Variants in SLC26A3 observed in about 807,000 individuals in gnomAD.
SLC26A3 encodes chloride anion exchanger.
SLC26A3 carries 64 observed loss-of-function variants against 85.6 expected under a neutral mutation model. That is an observed-to-expected ratio of 0.75 (90% CI 0.61 to 0.92). The LOEUF is 0.92. Ranked by LOEUF, SLC26A3 falls within the 40% of genes least tolerant of loss-of-function variation. SLC26A3 has a pLI of 0.00. For synonymous variants in SLC26A3, 349 were observed against 336.0 expected (o/e 1.04, Z -0.42); for missense variants, 922 against 927.3 (o/e 0.99, Z 0.07).
intron 18 of SLC26A3, among the ~76,000 whole-genome samples, chr7:107,770,049 T>TCTTTCTTTCTTTCTTA: frequency 6.9e-6 from 1 of 144,780 alleles, no homozygotes; most frequent in Non-Finnish European, 1.5e-5. Flanking sequence ...TTTCTTTCTT[T>TCTTTCTTTCTTTCTTA]CTCTTTTCTT....
At chr7:107,781,126 T>C (rs1794208983) in intron 11 of SLC26A3, among the ~76,000 whole-genome samples, 3 of 152,182 alleles carry the variant, frequency 2.0e-5, no homozygotes. Flanking sequence ...AGATTACTTT[T>C]AAAGTAAAGA....
Position 107,778,111 on chromosome 7 carries a change from T to G in SLC26A3, c.1514+64A>C, listed in dbSNP as rs1007579231. 2.7e-6 allele frequency: 3 copies of G among 1,097,468 alleles called. No individual in the cohort carries two copies. The African/African-American group carries it at 4.6e-5, about 17-fold the overall frequency. 68.0% of individuals were successfully genotyped at this position (1,097,468 alleles called of 1,614,324 possible). A position where few individuals can be genotyped will look rare whatever the true frequency, so the allele number is the denominator to read the frequency against. ...ACTGTTCTTTTAGCCAGTGACATTT[T>G]TTTTCCTCTTCTGATTTGGGCAGGT... is the stretch of plus-strand genomic sequence containing the variant. On this transcript the variant is annotated intron_variant, in intron 13 of 20. Coordinates refer to ENST00000340010, the MANE Select transcript of SLC26A3 (RefSeq NM_000111.3).
At chr7:107,784,679 G>C (rs753993412) in intron 8 of SLC26A3, among the ~76,000 whole-genome samples, 2 of 152,142 alleles carry the variant, frequency 1.3e-5, no homozygotes, top group Non-Finnish European at 2.9e-5. Context: ...TGATTCACCC[G>C]CCTCGACCTC....
chr7:107,786,876 C>G lies in SLC26A3; in HGVS notation c.922G>C (p.Asp308His). ...VIAAGVSYGC[D>H]FKNRFKVAVV... is the part of the protein sequence containing the mutation. ...GCCACTTTAAACCTGTTTTTAAAGT[C>G]ACAGCCGTAGGATACACCTGCTGCA... Residue 308 changes from aspartate (D) to histidine (H), a missense_variant, in exon 8 of 21, where the codon GAC becomes CAC. Asp to His is a moderately conservative substitution (Grantham distance 81). Transcript: ENST00000340010. 1 of 1,614,082 alleles carries G rather than the reference C, an allele frequency of 6.2e-7. No homozygotes were observed.
chr7:107,792,400 T>C (rs1794417763), intron 3 of SLC26A3, among the ~76,000 whole-genome samples: 1 of 151,990 alleles, frequency 6.6e-6, no homozygotes, highest in South Asian at 2.1e-4. Context: ...TTCCTGCAAC[T>C]AGATGGTTCC....
At chr7:107,797,705 T>G (rs1794532418) in intron 1 of SLC26A3, among the ~76,000 whole-genome samples, 2 of 150,378 alleles carry the variant, frequency 1.3e-5, no homozygotes, top group South Asian at 4.2e-4. Context: ...AATGACATTC[T>G]CCATGTCATC....
rs142021844 is a variant in SLC26A3 at position 107,767,929 on chromosome 7, A to C, written c.2063-21T>G. On this transcript the variant is annotated intron_variant, in intron 18 of 20. Coordinates refer to ENST00000340010, the MANE Select transcript of SLC26A3 (RefSeq NM_000111.3). Reference sequence around the variant, plus strand: ...GTCATCTGAAGAGAAAAAAACAGTAACTTTTAGGAAGAAACAATTGTTTGG... The same window carrying C: ...GTCATCTGAAGAGAAAAAAACAGTACCTTTTAGGAAGAAACAATTGTTTGG... 1,444 of 1,611,620 alleles carry C rather than the reference A, an allele frequency of 9.0e-4. 21 individuals carry two copies. The African/African-American group carries it at 0.017, about 19-fold the overall frequency.
intron 1 of SLC26A3, among the ~76,000 whole-genome samples, chr7:107,799,636 C>T (rs546821861): frequency 6.6e-6 from 1 of 152,318 alleles, no homozygotes; most frequent in Non-Finnish European, 1.5e-5. Context: ...AAGTGGTCTG[C>T]CTGCCTTGGC....
chr7:107,800,804 G>T (rs1374897950), intron 1 of SLC26A3, among the ~76,000 whole-genome samples: 1 of 152,242 alleles, frequency 6.6e-6, no homozygotes, highest in Admixed American at 6.5e-5. Flanking sequence ...AATGTGGGTT[G>T]GAGTTAGGAA....
chr7:107,773,770 C>T (rs978297478), intron 17 of SLC26A3, 150 bp downstream of exon 17: 8 of 673,532 alleles, frequency 1.2e-5, no homozygotes, highest in African/African-American at 5.4e-5. Context: ...AGGCTGGTCT[C>T]GAAGTCCTGA....
At position 107,793,739 on chromosome 7, in the gene SLC26A3, T is replaced by C; in HGVS notation, c.271+3A>G. 1 of 1,611,680 alleles carries C rather than the reference T, an allele frequency of 6.2e-7. No homozygotes were observed. The highest frequency in any genetic ancestry group is 8.5e-7 in the Non-Finnish European group (1 of 1,178,608). On this transcript the variant is annotated splice_donor_region_variant and intron_variant, in intron 3 of 20. Transcript: ENST00000340010. Reference sequence around the variant, plus strand: ...TATAAATTATACTTAAAAAAAATTTTACCTTGTAGTACGGCCACAATCCCT... The same window carrying C: ...TATAAATTATACTTAAAAAAAATTTCACCTTGTAGTACGGCCACAATCCCT...
chr7:107,769,199 C>G (rs1260765713), intron 18 of SLC26A3, among the ~76,000 whole-genome samples: 1 of 152,032 alleles, frequency 6.6e-6, no homozygotes, highest in Admixed American at 6.6e-5. Flanking sequence ...GACAAAAATA[C>G]CATTTGACCC....
chr7:107,765,860 A>G lies in SLC26A3; in HGVS notation c.2290T>C (p.Phe764Leu). Reference protein sequence around the residue: ...RVYEVPVETKF With the variant: ...RVYEVPVETKL ...CCTTCTGAATTATATGTTGATTAGA[A>G]TTTTGTTTCAACTGGCACCTGGAAG... The change falls in exon 21 of 21, where the codon TTC (phenylalanine) becomes CTC (leucine). Residue 764 changes from phenylalanine to leucine, a missense_variant. Phe to Leu is a conservative substitution (Grantham distance 22). Transcript: ENST00000340010. 6.2e-7 allele frequency: 1 copy of G among 1,610,826 alleles called. No homozygotes were observed. Among genetic ancestry groups the G allele is most frequent in the South Asian group, 1.1e-5 (1 of 90,990 alleles).
rs386833449 is a variant in SLC26A3 at position 107,779,764 on chromosome 7, C to T, written c.1312-1G>A. On this transcript the variant is annotated splice_acceptor_variant, in intron 11 of 20. Coordinates refer to ENST00000340010, the MANE Select transcript of SLC26A3 (RefSeq NM_000111.3). LOFTEE classifies it high-confidence loss of function. ...CCAATGCTAAAGCTGCCAGGACGGA[C>T]TGTGAAAAACACAAACATCAGATGT... 1 of 1,612,424 alleles carries T rather than the reference C, an allele frequency of 6.2e-7. No homozygotes were observed. The highest frequency in any genetic ancestry group is 8.5e-7 in the Non-Finnish European group (1 of 1,178,564).
chr7:107,783,386 C>T lies in SLC26A3; in HGVS notation c.972-34G>A, dbSNP rs775015468. On this transcript the variant is annotated intron_variant, in intron 8 of 20. Coordinates refer to ENST00000340010, the MANE Select transcript of SLC26A3 (RefSeq NM_000111.3). Reference sequence around the variant, plus strand: ...GAAATTAAGCAAGTCTGAATGTCACCAACCAATTTATAAACTGATATAACC... The same window carrying T: ...GAAATTAAGCAAGTCTGAATGTCACTAACCAATTTATAAACTGATATAACC... 54 of 1,612,438 alleles carry T rather than the reference C, an allele frequency of 3.3e-5. No individual in the cohort carries two copies. In the Admixed American group the frequency reaches 6.3e-4, roughly 19 times the overall value.
intron 11 of SLC26A3, among the ~76,000 whole-genome samples, chr7:107,781,314 T>C (rs1322114975): frequency 6.6e-6 from 1 of 152,174 alleles, no homozygotes; most frequent in African/African-American, 2.4e-5. Flanking sequence ...TTATTTTGCC[T>C]TCATATGATA....
chr7:107,779,739 C>G lies in SLC26A3; in HGVS notation c.1336G>C (p.Gly446Arg). The stretch of plus-strand genomic sequence containing the variant: ...TGCATCAGCATTCCCTTTAAGTTTC[C>G]CAATGCTAAAGCTGCCAGGACGGAC... Reference protein sequence around the residue: ...QKSVLAALALGNLKGMLMQFA... With the variant: ...QKSVLAALALRNLKGMLMQFA... Residue 446 changes from glycine to arginine, a missense_variant, in exon 12 of 21, where the codon GGA (glycine) becomes CGA (arginine). Transcript: ENST00000340010. 1.2e-6 allele frequency: 2 copies of G among 1,613,884 alleles called. No homozygotes were observed. The highest frequency in any genetic ancestry group is 1.7e-6 in the Non-Finnish European group (2 of 1,179,906).
chr7:107,791,201 T>G lies in SLC26A3; in HGVS notation c.417A>C (p.Leu139=). 3 of 1,614,240 alleles carry G rather than the reference T, an allele frequency of 1.9e-6. No homozygotes were observed. Among genetic ancestry groups the G allele is most frequent in the Non-Finnish European group, 1.7e-6 (2 of 1,180,046 alleles). Residue 139 remains leucine, a synonymous_variant, in exon 5 of 21, where the codon CTA becomes CTC. Transcript: ENST00000340010. ...PFPILSMMVG[L]AVSGAVSKAV... ...CTTTTGAAACTGCTCCTGAAACTGC[T>G]AGTCCCACCATCATACTCAGAATCG... is the stretch of plus-strand genomic sequence containing the variant.
intron 18 of SLC26A3, among the ~76,000 whole-genome samples, chr7:107,769,183 G>A (rs549830083): frequency 2.5e-4 from 38 of 152,086 alleles, no homozygotes; most frequent in Non-Finnish European, 4.9e-4. Context: ...TCCTCACAGG[G>A]CTGAAGACAA....
Sources: gnomAD v4.1 joint callset for allele counts (sites outside exome capture counted in the v4.1 genomes callset) on GRCh38, gnomAD v4.1.1 for gene constraint, MANE v1.5 for transcripts, NCBI Gene and HGNC (gene_info 2026-07-23, HGNC 2026-07-21) for gene names.